The following SLC6A7 variants were observed in gnomAD, a reference collection of about 807,000 sequenced individuals.
SLC6A7 encodes sodium-dependent proline transporter.
Under a neutral mutation model 73.1 loss-of-function variants are expected in SLC6A7, and 58 were observed. That is an observed-to-expected ratio of 0.79 (90% CI 0.64 to 0.99). The LOEUF is 0.99. Among genes scored for constraint, SLC6A7 ranks in the 50% least tolerant of loss-of-function variants. The pLI, the probability that SLC6A7 is intolerant of heterozygous loss-of-function variation, is 0.00. For missense variants in SLC6A7, 783 were observed against 831.4 expected (o/e 0.94, Z 0.72); for synonymous variants, 338 against 338.7 (o/e 1.00, Z 0.02).
rs529971573 is a variant in SLC6A7 at position 150,203,990 on chromosome 5, G to A, written c.1284G>A (p.Gly428=). Residue 428 remains glycine (G), a synonymous_variant, in exon 10 of 14, where the codon GGG becomes GGA. Coordinates refer to ENST00000230671, the MANE Select transcript of SLC6A7 (RefSeq NM_014228.5). ...YLRPKKAVFS[G]LICVAMYLMG... is the part of the protein sequence containing the mutation. ...GGCCCAAGAAGGCGGTGTTCTCAGG[G>A]CTCATCTGCGTGGCCATGTACCTGA... The A allele has an allele frequency of 8.7e-6, 14 of 1,613,646 alleles. No homozygotes were observed. The highest frequency in any genetic ancestry group is 1.2e-5 in the Non-Finnish European group (14 of 1,179,870).
At chr5:150,209,256 G>T in intron 13 of SLC6A7, 150 bp from the exon 14 acceptor site, 2 of 671,308 alleles carry the variant, frequency 3.0e-6, no homozygotes, top group East Asian at 2.7e-5. Flanking sequence ...CCCTGGGGAA[G>T]TCATAGTGCC....
At chr5:150,207,088 G>A (rs1044793779) in intron 13 of SLC6A7, among the ~76,000 whole-genome samples, 8 of 152,194 alleles carry the variant, frequency 5.3e-5, no homozygotes, top group Non-Finnish European at 1.2e-4. Flanking sequence ...CAGCCTCGCG[G>A]CCCTAAGCAA....
At chr5:150,199,002 A>G (rs1753228783) in intron 4 of SLC6A7, among the ~76,000 whole-genome samples, 1 of 152,122 alleles carries the variant, frequency 6.6e-6, no homozygotes, top group Middle Eastern at 3.2e-3. Context: ...TCGAACTCCT[A>G]TCCTCAAGTG....
At chr5:150,204,434 C>G in intron 10 of SLC6A7, 98 bp from the exon 11 acceptor site, 1 of 939,654 alleles carries the variant, frequency 1.1e-6, no homozygotes, top group Non-Finnish European at 1.7e-6. Context: ...CTTGTGCTGT[C>G]AGCATGGCTG....
chr5:150,207,051 G>A (rs1753735128), intron 13 of SLC6A7, among the ~76,000 whole-genome samples: 1 of 152,232 alleles, frequency 6.6e-6, no homozygotes. Context: ...CTGACCCTAG[G>A]ATCAGAATCC....
At chr5:150,203,817 TGTG>T (rs751416455) in intron 9 of SLC6A7, 38 bp downstream of exon 9, 2 of 1,426,980 alleles carry the variant, frequency 1.4e-6, no homozygotes, top group Non-Finnish European at 1.9e-6. Flanking sequence ...CCCGTGTGTG[TGTG>T]GTGTGTGTGT....
In SLC6A7 at chr5:150,190,314, A is replaced by G. The variant is rs1177644493; in HGVS notation, c.-14A>G. Reference sequence around the variant, plus strand: ...GCTCCGGGGCAGCTGAGCCCCGGCCACCCGCTCTCCAAGATGAAGAAGCTC... The same window carrying G: ...GCTCCGGGGCAGCTGAGCCCCGGCCGCCCGCTCTCCAAGATGAAGAAGCTC... On this transcript the variant is annotated 5_prime_UTR_variant, in exon 1 of 14. Coordinates refer to ENST00000230671, the MANE Select transcript of SLC6A7 (RefSeq NM_014228.5). 4.0e-6 allele frequency: 6 copies of G among 1,511,240 alleles called. No homozygotes were observed. In the Admixed American group the frequency reaches 1.3e-4, roughly 33 times the overall value. The allele number at this position is 1,511,240 out of a possible 1,614,324, so 93.6% of individuals were successfully genotyped here.
At chr5:150,191,879 G>C (rs1470508813) in intron 1 of SLC6A7, among the ~76,000 whole-genome samples, 26 of 151,994 alleles carry the variant, frequency 1.7e-4, no homozygotes, top group Non-Finnish European at 1.5e-5. Context: ...CTGGGTGCTG[G>C]GCTGGGGGGT....
Position 150,196,822 on chromosome 5 carries a change from C to A in SLC6A7, c.324C>A (p.Val108=), listed in dbSNP as rs373620303. 4.3e-6 allele frequency: 7 copies of A among 1,613,932 alleles called. No homozygotes were observed. The African/African-American group carries it at 6.7e-5, about 15-fold the overall frequency. The change falls in exon 3 of 14, where the codon GTC becomes GTA. Residue 108 remains valine, a synonymous_variant. Transcript: ENST00000230671. ...GQFSSLGPLA[V]WKISPLFKGA... ...TCTCCAGCCTAGGGCCCCTGGCTGTCTGGAAAATCAGCCCTCTCTTCAAAG... is the reference window on the plus strand; with the variant it reads ...TCTCCAGCCTAGGGCCCCTGGCTGTATGGAAAATCAGCCCTCTCTTCAAAG...
At chr5:150,192,219 ACCTTGGGCTCATC>A (rs1752821839) in intron 1 of SLC6A7, among the ~76,000 whole-genome samples, 1 of 152,004 alleles carries the variant, frequency 6.6e-6, no homozygotes, top group Admixed American at 6.6e-5. Flanking sequence ...TTGCTGTTTG[ACCTTGGGCTCATC>A]CCTTCTTCCT....
intron 10 of SLC6A7, 133 bp downstream of exon 10, chr5:150,204,171 G>A (rs547961772): frequency 7.8e-5 from 68 of 875,972 alleles, no homozygotes; most frequent in South Asian, 1.8e-4. Context: ...GTCCCTCCCC[G>A]GCCCTATCTC....
At chr5:150,191,722 G>T (rs540751598) in intron 1 of SLC6A7, among the ~76,000 whole-genome samples, 2 of 152,176 alleles carry the variant, frequency 1.3e-5, no homozygotes, top group African/African-American at 2.4e-5. Flanking sequence ...GAGTCACTGC[G>T]CCCAGCTGGT....
At chr5:150,191,805 C>A (rs1365077443) in intron 1 of SLC6A7, among the ~76,000 whole-genome samples, 2 of 152,026 alleles carry the variant, frequency 1.3e-5, no homozygotes, top group Non-Finnish European at 2.9e-5. Flanking sequence ...TGTTTCCATT[C>A]TTTTCCACTC....
chr5:150,200,002 T>A lies in SLC6A7; in HGVS notation c.723+636T>A, dbSNP rs1753283931. Among the ~76,000 whole-genome samples, 3 of 152,160 alleles carry A rather than the reference T, an allele frequency of 2.0e-5. No homozygotes were observed. In the South Asian group the frequency reaches 6.2e-4, roughly 32 times the overall value. On this transcript the variant is annotated intron_variant, in intron 5 of 13. Transcript: ENST00000230671. ...GTGCACCCATCCCTAAATTAATCCC[T>A]GTGGCCCGGAGGATGGAATGCTTTT... is the stretch of plus-strand genomic sequence containing the variant.
intron 1 of SLC6A7, among the ~76,000 whole-genome samples, chr5:150,192,537 C>A (rs1752833172): frequency 6.6e-6 from 1 of 152,216 alleles, no homozygotes; most frequent in Admixed American, 6.5e-5. Context: ...ATCTCCCAAC[C>A]AGCCCCATCC....
intron 1 of SLC6A7, among the ~76,000 whole-genome samples, chr5:150,193,490 C>T (rs1190347447): frequency 6.6e-6 from 1 of 152,186 alleles, no homozygotes; most frequent in African/African-American, 2.4e-5. Context: ...GTTTGACCCC[C>T]CCAGCCAAGC....
chr5:150,204,383 C>T (rs1186512300), intron 10 of SLC6A7, 149 bp from the exon 11 acceptor site: 4 of 701,190 alleles, frequency 5.7e-6, no homozygotes, highest in African/African-American at 1.8e-5. Flanking sequence ...TAAGACAAGG[C>T]CTAGAAGGGC....
intron 2 of SLC6A7, among the ~76,000 whole-genome samples, chr5:150,196,142 GC>G (rs1753008098): frequency 6.6e-6 from 1 of 152,196 alleles, no homozygotes; most frequent in Non-Finnish European, 1.5e-5. Flanking sequence ...CCTCCTTCCA[GC>G]CCCAGGTTAT....
Position 150,190,339 on chromosome 5 carries a change from C to T in SLC6A7, c.12C>T (p.Leu4=), listed in dbSNP as rs1398207344. Residue 4 remains leucine, a synonymous_variant, in exon 1 of 14, where the codon CTC becomes CTT. Coordinates refer to ENST00000230671, the MANE Select transcript of SLC6A7 (RefSeq NM_014228.5). The part of the protein sequence containing the change: MKK[L]QGAHLRKPVT... ...ACCCGCTCTCCAAGATGAAGAAGCT[C>T]CAGGGAGCTCACCTCCGCAAGGTAG... 3 of 1,509,916 alleles carry T rather than the reference C, an allele frequency of 2.0e-6. No homozygotes were observed. The highest frequency in any genetic ancestry group is 4.4e-5 in the Admixed American group (2 of 45,174). 93.5% of individuals were successfully genotyped at this position (1,509,916 alleles called of 1,614,324 possible).
Sources: gnomAD v4.1 joint callset for allele counts (sites outside exome capture counted in the v4.1 genomes callset) on GRCh38, gnomAD v4.1.1 for gene constraint, MANE v1.5 for transcripts, NCBI Gene and HGNC (gene_info 2026-07-23, HGNC 2026-07-21) for gene names.